Variants in ERFL observed in about 807,000 individuals in gnomAD.
The protein encoded by ERFL is ETS repressor factor like, also known as ETS domain-containing transcription factor ERF-like.
A neutral mutation model predicts 27.9 loss-of-function variants in ERFL; 8 were observed. That is an observed-to-expected ratio of 0.29 (90% CI 0.17 to 0.52). The LOEUF (loss-of-function observed/expected upper bound fraction) is 0.52. Among genes scored for constraint, ERFL ranks in the 20% least tolerant of loss-of-function variants. The pLI is 0.97. For synonymous variants in ERFL, 174 were observed against 202.8 expected, an observed-to-expected ratio of 0.86 and a Z score of 1.21; for missense variants, 294 against 444.4, an observed-to-expected ratio of 0.66 and a Z score of 3.04.
chr19:41,922,354 G>A (rs2074847405), intron 1 of ERFL, among the ~76,000 whole-genome samples: 1 of 152,198 alleles, frequency 6.6e-6, no homozygotes, highest in African/African-American at 2.4e-5. Context: ...GGACAGAAAT[G>A]AGGAGGGCAA....
chr19:41,909,184 AGG>A lies in ERFL; in HGVS notation c.499-9_499-8del. On this transcript the variant is annotated splice_polypyrimidine_tract_variant and splice_region_variant and intron_variant, in intron 4 of 5. Transcript: ENST00000597630. The surrounding 1 kb of genome is among the most constrained non-coding windows in gnomAD (Gnocchi z 5.2). ...AGAACAGGGTTTGCAGGGTCTAGAG[AGG>A]GAGTGGGAGAAGCCGCCCTTCTCAG... The A allele has an allele frequency of 8.1e-7, 1 of 1,231,706 alleles. No individual in the cohort carries two copies. The highest frequency in any genetic ancestry group is 3.2e-5 in the East Asian group (1 of 31,680). 76.3% of individuals were successfully genotyped at this position (1,231,706 alleles called of 1,614,324 possible). A position where few individuals can be genotyped will look rare whatever the true frequency, so the allele number is the denominator to read the frequency against.
chr19:41,925,877 G>A (rs374716268), intron 1 of ERFL, among the ~76,000 whole-genome samples: 1 of 152,090 alleles, frequency 6.6e-6, no homozygotes, highest in Non-Finnish European at 1.5e-5. Flanking sequence ...GGAGGAGGAT[G>A]GGTGAGGGCC....
intron 2 of ERFL, among the ~76,000 whole-genome samples, chr19:41,911,605 G>A (rs1315628220): frequency 2.0e-5 from 3 of 152,136 alleles, no homozygotes; most frequent in African/African-American, 7.2e-5. Flanking sequence ...TCTCCTTGAG[G>A]GAGAATTTTT....
intron 1 of ERFL, among the ~76,000 whole-genome samples, chr19:41,920,150 G>A (rs185889609): frequency 1.3e-4 from 14 of 109,186 alleles, no homozygotes; most frequent in East Asian, 2.5e-4. Flanking sequence ...GACATGACAC[G>A]CCCAGACATG....
At position 41,910,186 on chromosome 19, in the gene ERFL, G is replaced by A; in HGVS notation, c.68-89C>T. 7.9e-7 allele frequency: 1 copy of A among 1,270,774 alleles called. No homozygotes were observed. The highest frequency in any genetic ancestry group is 1.1e-6 in the Non-Finnish European group (1 of 920,592). 78.7% of individuals were successfully genotyped at this position (1,270,774 alleles called of 1,614,324 possible). On this transcript the variant is annotated intron_variant, in intron 2 of 5. Transcript: ENST00000597630. This position sits in a 1 kb window ranked among gnomAD's most constrained non-coding sequence, Gnocchi z 4.4. ...CTGGACTCAGTAACCTGGGAGGCAT[G>A]TAGTTCTCCTCCAGTCTCAGGCATC...
rs1294679693 is a variant in ERFL at position 41,913,292 on chromosome 19, C to G, written c.-13-360G>C. 4.0e-5 allele frequency among the ~76,000 whole-genome samples: 6 copies of G among 151,302 alleles called. 1 individual carries two copies. The South Asian group carries it at 1.3e-3, about 32-fold the overall frequency. ...GCCCGCCCGCCCGCCGCTCGCGCCC[C>G]GCACCGTCTCTGCTGCCGTCTCCCG... On this transcript the variant is annotated intron_variant, in intron 1 of 5. Transcript: ENST00000597630.
intron 1 of ERFL, among the ~76,000 whole-genome samples, chr19:41,918,743 CAT>C (rs782581876): frequency 1.8e-3 from 269 of 148,988 alleles, no homozygotes; most frequent in Non-Finnish European, 2.7e-3. Flanking sequence ...CCACCCCACA[CAT>C]ACACACACCA....
chr19:41,909,510 A>T lies in ERFL; in HGVS notation c.303-39T>A. 8.1e-7 allele frequency: 1 copy of T among 1,241,420 alleles called. No homozygotes were observed. Among genetic ancestry groups the T allele is most frequent in the Non-Finnish European group, 1.0e-6 (1 of 989,584 alleles). 76.9% of individuals were successfully genotyped at this position (1,241,420 alleles called of 1,614,324 possible). ...GGTGGTGTTGGGGAGGTGCAGGGGG[A>T]GCCCTGGGGCGGGATCTGGGGTTTC... On this transcript the variant is annotated intron_variant, in intron 3 of 5. Coordinates refer to ENST00000597630, the MANE Select transcript of ERFL (RefSeq NM_001365103.2). The surrounding 1 kb of genome is among the most constrained non-coding windows in gnomAD (Gnocchi z 5.2).
intron 1 of ERFL, among the ~76,000 whole-genome samples, chr19:41,913,305 C>A (rs1302798102): frequency 6.9e-6 from 1 of 144,160 alleles, no homozygotes; most frequent in Non-Finnish European, 1.5e-5. Context: ...ACCGTCTCTG[C>A]TGCCGTCTCC....
chr19:41,920,489 ACAGACATGACGCACT>A (rs1272886586), intron 1 of ERFL, among the ~76,000 whole-genome samples: 1 of 145,626 alleles, frequency 6.9e-6, no homozygotes, highest in Non-Finnish European at 1.5e-5. Flanking sequence ...GACGTGACAC[ACAGACATGACGCACT>A]CAGACATGAC....
In ERFL at chr19:41,909,650, C is replaced by T. The variant is rs868992503; in HGVS notation, c.303-179G>A. Among the ~76,000 whole-genome samples, 3 of 152,120 alleles carry T rather than the reference C, an allele frequency of 2.0e-5. No homozygotes were observed. Among genetic ancestry groups the T allele is most frequent in the Non-Finnish European group, 2.9e-5 (2 of 68,012 alleles). ...GGGCAAGGAAGGGATGAGGCAGGAG[C>T]GGGGACCCTGCCCTGCAAGACTCCA... On this transcript the variant is annotated intron_variant, in intron 3 of 5. Coordinates refer to ENST00000597630, the MANE Select transcript of ERFL (RefSeq NM_001365103.2). The surrounding 1 kb of genome is among the most constrained non-coding windows in gnomAD (Gnocchi z 5.2).
chr19:41,913,515 G>A (rs1362368948), intron 1 of ERFL, among the ~76,000 whole-genome samples: 1 of 151,602 alleles, frequency 6.6e-6, no homozygotes, highest in African/African-American at 2.4e-5. Context: ...CGGGCTGCAG[G>A]GGGGCAGGCC....
At position 41,909,655 on chromosome 19, in the gene ERFL, AC is replaced by A. The variant is rs1252538736; in HGVS notation, c.303-185del. Reference sequence around the variant, plus strand: ...AGGAAGGGATGAGGCAGGAGCGGGGACCCTGCCCTGCAAGACTCCAAAGCCC... The same window carrying A: ...AGGAAGGGATGAGGCAGGAGCGGGGACCTGCCCTGCAAGACTCCAAAGCCC... On this transcript the variant is annotated intron_variant, in intron 3 of 5. Coordinates refer to ENST00000597630, the MANE Select transcript of ERFL (RefSeq NM_001365103.2). The surrounding 1 kb of genome is among the most constrained non-coding windows in gnomAD (Gnocchi z 5.2). 6.6e-6 allele frequency among the ~76,000 whole-genome samples: 1 copy of A among 151,990 alleles called. No individual in the cohort carries two copies. Among genetic ancestry groups the A allele is most frequent in the Non-Finnish European group, 1.5e-5 (1 of 67,972 alleles).
At position 41,916,422 on chromosome 19, in the gene ERFL, C is replaced by G. The variant is rs1404869563; in HGVS notation, c.-13-3490G>C. 6.6e-6 allele frequency among the ~76,000 whole-genome samples: 1 copy of G among 152,136 alleles called. No homozygotes were observed. The highest frequency in any genetic ancestry group is 2.4e-5 in the African/African-American group (1 of 41,426). On this transcript the variant is annotated intron_variant, in intron 1 of 5. Coordinates refer to ENST00000597630, the MANE Select transcript of ERFL (RefSeq NM_001365103.2). The surrounding 1 kb of genome is among the most constrained non-coding windows in gnomAD (Gnocchi z 5.4). ...ACACACCAACACTGTCACAGTCACA[C>G]ACACACACATCAGCATAGTCACAGA...
chr19:41,925,396 T>C (rs77356507), intron 1 of ERFL, among the ~76,000 whole-genome samples: 1,683 of 152,172 alleles, frequency 0.011, 20 homozygotes, highest in Non-Finnish European at 0.017. Context: ...GTGACGCAGA[T>C]ACCTGTGGCC....
chr19:41,922,718 C>T (rs549931996), intron 1 of ERFL, among the ~76,000 whole-genome samples: 4 of 151,196 alleles, frequency 2.6e-5, no homozygotes, highest in Admixed American at 2.0e-4. Flanking sequence ...CCACAAGGGC[C>T]GGGGTCCAGC....
Position 41,915,825 on chromosome 19 carries a change from C to T in ERFL, c.-13-2893G>A, listed in dbSNP as rs782346982. Among the ~76,000 whole-genome samples, 94 of 152,208 alleles carry T rather than the reference C, an allele frequency of 6.2e-4. 1 individual carries two copies. The highest frequency in any genetic ancestry group is 1.0e-3 in the Non-Finnish European group (68 of 67,986). ...CGACTGATGGAGGGAGCGCGGCCTG[C>T]GGGGCCTGGGGCTGCAGGGCCAAAC... On this transcript the variant is annotated intron_variant, in intron 1 of 5. Coordinates refer to ENST00000597630, the MANE Select transcript of ERFL (RefSeq NM_001365103.2).
rs75665199 is a variant in ERFL, at chr19:41,916,843, G to GAC, written c.-13-3913_-13-3912dup. Among the ~76,000 whole-genome samples the GAC allele has an allele frequency of 0.27, 40,277 of 151,622 alleles. 11,502 individuals carry two copies. The highest frequency in any genetic ancestry group is 0.72 in the African/African-American group (29,720 of 41,152). ...AGATCACGGACCCAAACATACGACCGACAGCGGCCCCTGCAGAGGTACACA... is the reference window on the plus strand; with the variant it reads ...AGATCACGGACCCAAACATACGACCGACACAGCGGCCCCTGCAGAGGTACACA... On this transcript the variant is annotated intron_variant, in intron 1 of 5. Coordinates refer to ENST00000597630, the MANE Select transcript of ERFL (RefSeq NM_001365103.2). The surrounding 1 kb of genome is among the most constrained non-coding windows in gnomAD (Gnocchi z 5.4).
intron 1 of ERFL, among the ~76,000 whole-genome samples, chr19:41,920,713 G>GCA (rs2074837068): frequency 2.0e-5 from 3 of 152,164 alleles, no homozygotes; most frequent in Non-Finnish European, 2.9e-5. Context: ...GTGCACATGC[G>GCA]CACACACACA....
Sources: gnomAD v4.1 joint callset for allele counts (sites outside exome capture counted in the v4.1 genomes callset) on GRCh38, gnomAD v4.1.1 for gene constraint, Gnocchi (gnomAD v3.1) non-coding constraint, MANE v1.5 for transcripts, NCBI Gene and HGNC (gene_info 2026-07-23, HGNC 2026-07-21) for gene names.